The following ANKRD11 variants were observed in gnomAD, a reference collection of about 807,000 sequenced individuals.
ANKRD11 encodes the protein ankyrin repeat domain 11, also known as ankyrin repeat domain-containing protein 11.
ANKRD11 carries 17 observed loss-of-function variants against 195.7 expected under a neutral mutation model. The ratio of observed to expected loss-of-function variants is 0.09; its 90% CI spans 0.06 to 0.13. The LOEUF is 0.13. Ranked by LOEUF, ANKRD11 falls within the 10% of genes least tolerant of loss-of-function variation. The pLI is 1.00. For synonymous variants in ANKRD11, 1,953 were observed against 1,528.1 expected, an observed-to-expected ratio of 1.28 and a Z score of -6.49; for missense variants, 3,735 against 3,566.1, an observed-to-expected ratio of 1.05 and a Z score of -1.21.
chr16:89,349,893 CACACACACACACACACACAT>C (rs1227661812), intron 2 of ANKRD11, among the ~76,000 whole-genome samples: 53 of 132,988 alleles, frequency 4.0e-4, no homozygotes, highest in East Asian at 8.0e-4. Flanking sequence ...CACACACACA[CACACACACACACACACACAT>C]ATTCAAACAA....
intron 9 of ANKRD11, chr16:89,278,740 G>A (rs1307692713): frequency 9.4e-6 from 5 of 529,978 alleles, no homozygotes; most frequent in Non-Finnish European, 1.8e-5. Context: ...GGCCGTCCTG[G>A]TGGACGGGGA....
chr16:89,464,346 C>T (rs753297480), intron 1 of ANKRD11, among the ~76,000 whole-genome samples: 1 of 151,914 alleles, frequency 6.6e-6, no homozygotes, highest in Admixed American at 6.6e-5. Context: ...TGGTGGCTCA[C>T]GCCTGTAATC....
chr16:89,409,478 A>T (rs2042034874), intron 2 of ANKRD11, among the ~76,000 whole-genome samples: 1 of 152,190 alleles, frequency 6.6e-6, no homozygotes, highest in South Asian at 2.1e-4. Context: ...GCATAAAAAC[A>T]TACAGGTGTG....
At chr16:89,343,180 G>A (rs150117158) in intron 2 of ANKRD11, among the ~76,000 whole-genome samples, 1,604 of 152,022 alleles carry the variant, frequency 0.011, 22 homozygotes, top group African/African-American at 0.036. Flanking sequence ...TAGTGGAGAC[G>A]GGGTTTCACC....
At chr16:89,308,673 A>G (rs1597572418) in intron 3 of ANKRD11, among the ~76,000 whole-genome samples, 1 of 152,194 alleles carries the variant, frequency 6.6e-6, no homozygotes, top group East Asian at 1.9e-4. Flanking sequence ...GTGTTCACAA[A>G]CAAGCACAAG....
intron 1 of ANKRD11, among the ~76,000 whole-genome samples, chr16:89,451,024 T>C (rs1350579241): frequency 2.0e-5 from 3 of 152,174 alleles, no homozygotes; most frequent in East Asian, 1.9e-4. Context: ...TGTAAAGTTT[T>C]AGTTTTATTG....
At chr16:89,458,195 T>A (rs921066369) in intron 1 of ANKRD11, among the ~76,000 whole-genome samples, 1 of 152,184 alleles carries the variant, frequency 6.6e-6, no homozygotes, top group Non-Finnish European at 1.5e-5. Context: ...CCTGTTCTTG[T>A]TGTACTTTAG....
chr16:89,343,375 T>C (rs2038786688), intron 2 of ANKRD11, among the ~76,000 whole-genome samples: 1 of 152,248 alleles, frequency 6.6e-6, no homozygotes, highest in Non-Finnish European at 1.5e-5. Flanking sequence ...ACACTTTAAT[T>C]GCTTAAACTG....
chr16:89,448,747 A>G (rs999902595), intron 1 of ANKRD11, among the ~76,000 whole-genome samples: 3 of 152,168 alleles, frequency 2.0e-5, no homozygotes, highest in East Asian at 3.9e-4. Flanking sequence ...TCAAAGTCCA[A>G]GACGAGACGG....
rs990511785 is a variant in ANKRD11 at position 89,305,628 on chromosome 16, A to G, written c.88-284T>C. ...GGTGTGTGTGGAGAAAGCAGAGGAG[A>G]CACACACGCGCTACCTCTCACTCCG... On this transcript the variant is annotated intron_variant, in intron 3 of 12. Coordinates refer to ENST00000301030, the MANE Select transcript of ANKRD11 (RefSeq NM_013275.6). Among the ~76,000 whole-genome samples, 21 of 151,310 alleles carry G rather than the reference A, an allele frequency of 1.4e-4. 3 individuals carry two copies. The highest frequency in any genetic ancestry group is 7.2e-4 in the Admixed American group (11 of 15,222).
At chr16:89,456,606 T>G (rs1398297387) in intron 1 of ANKRD11, among the ~76,000 whole-genome samples, 3 of 151,106 alleles carry the variant, frequency 2.0e-5, no homozygotes, top group Admixed American at 2.0e-4. Context: ...GTAAACACCC[T>G]GCCTACACCC....
intron 1 of ANKRD11, among the ~76,000 whole-genome samples, chr16:89,470,641 C>A (rs547207089): frequency 1.3e-5 from 2 of 152,048 alleles, no homozygotes; most frequent in Non-Finnish European, 2.9e-5. Flanking sequence ...GTCAGGAGAT[C>A]GAGACCATCC....
At chr16:89,276,783 C>T (rs531318186) in intron 9 of ANKRD11, among the ~76,000 whole-genome samples, 6 of 152,294 alleles carry the variant, frequency 3.9e-5, no homozygotes, top group South Asian at 4.1e-4. Context: ...TTAGGCCGAG[C>T]GCAGTGGCTC....
At chr16:89,433,174 T>C (rs2043070703) in intron 1 of ANKRD11, among the ~76,000 whole-genome samples, 2 of 152,146 alleles carry the variant, frequency 1.3e-5, no homozygotes, top group Non-Finnish European at 2.9e-5. Flanking sequence ...CAAGAGTAAT[T>C]TGGAAATGAA....
intron 2 of ANKRD11, among the ~76,000 whole-genome samples, chr16:89,372,611 T>C (rs1347986057): frequency 6.6e-6 from 1 of 152,154 alleles, no homozygotes; most frequent in Non-Finnish European, 1.5e-5. Flanking sequence ...AAAATTAAAA[T>C]ACTGAAATTA....
At chr16:89,318,454 C>T (rs1376479808) in intron 2 of ANKRD11, among the ~76,000 whole-genome samples, 1 of 152,252 alleles carries the variant, frequency 6.6e-6, no homozygotes, top group Non-Finnish European at 1.5e-5. Flanking sequence ...CACAGCAGCA[C>T]CTCTGTGCGC....
At chr16:89,405,962 T>G (rs1220205841) in intron 2 of ANKRD11, among the ~76,000 whole-genome samples, 1 of 151,880 alleles carries the variant, frequency 6.6e-6, no homozygotes, top group Non-Finnish European at 1.5e-5. Context: ...AGACAAAAAC[T>G]TACCGGGCGT....
chr16:89,386,849 C>T (rs2040934098), intron 2 of ANKRD11, among the ~76,000 whole-genome samples: 1 of 152,186 alleles, frequency 6.6e-6, no homozygotes, highest in African/African-American at 2.4e-5. Context: ...CCTATCACAG[C>T]CAGAGCTGTG....
chr16:89,470,863 G>A (rs1018793707), intron 1 of ANKRD11, among the ~76,000 whole-genome samples: 2 of 152,146 alleles, frequency 1.3e-5, no homozygotes, highest in Non-Finnish European at 2.9e-5. Flanking sequence ...CACGGTGGCG[G>A]ACATTTGTAG....
Sources: gnomAD v4.1 joint callset for allele counts (sites outside exome capture counted in the v4.1 genomes callset) on GRCh38, gnomAD v4.1.1 for gene constraint, MANE v1.5 for transcripts, NCBI Gene and HGNC (gene_info 2026-07-23, HGNC 2026-07-21) for gene names.